ASIC2: variants seen among roughly 807,000 people sequenced by gnomAD.
ASIC2 encodes the protein acid sensing ion channel subunit 2, also known as acid-sensing ion channel 2.
ASIC2 carries 25 observed loss-of-function variants against 57.3 expected under a neutral mutation model. The ratio of observed to expected loss-of-function variants is 0.44; its 90% CI spans 0.32 to 0.61. The LOEUF (loss-of-function observed/expected upper bound fraction) is 0.61. Among genes scored for constraint, ASIC2 ranks in the 20% least tolerant of loss-of-function variants. The probability of loss-of-function intolerance (pLI) is 0.06; values close to 1 mark genes in which losing one functional copy is unlikely to be tolerated. For synonymous variants in ASIC2, 319 were observed against 307.5 expected, an observed-to-expected ratio of 1.04 and a Z score of -0.39; for missense variants, 641 against 738.1, an observed-to-expected ratio of 0.87 and a Z score of 1.52.
chr17:33,573,329 G>A (rs1406577208), intron 1 of ASIC2, among the ~76,000 whole-genome samples: 2 of 152,090 alleles, frequency 1.3e-5, no homozygotes, highest in Non-Finnish European at 2.9e-5. Flanking sequence ...AAATAATACA[G>A]AGAAAAATTA....
At chr17:34,132,873 G>C (rs1375076795) in intron 1 of ASIC2, among the ~76,000 whole-genome samples, 1 of 152,194 alleles carries the variant, frequency 6.6e-6, no homozygotes, top group Non-Finnish European at 1.5e-5. Context: ...CTGGAAGCCT[G>C]TGCTCAGCTG....
At chr17:34,039,658 C>A in intron 1 of ASIC2, 1 of 1,612,900 alleles carries the variant, frequency 6.2e-7, no homozygotes, top group Non-Finnish European at 8.5e-7. Context: ...CCCTTGGCTA[C>A]TTTCATATGG....
intron 1 of ASIC2, among the ~76,000 whole-genome samples, chr17:33,698,202 G>A (rs1317227816): frequency 6.6e-6 from 1 of 152,144 alleles, no homozygotes; most frequent in Non-Finnish European, 1.5e-5. Flanking sequence ...GTTTTCATTA[G>A]GAATGAATCC....
intron 1 of ASIC2, among the ~76,000 whole-genome samples, chr17:33,929,260 G>T (rs1203339325): frequency 6.6e-6 from 1 of 151,992 alleles, no homozygotes; most frequent in Non-Finnish European, 1.5e-5. Context: ...TGCCCTCCCA[G>T]CCACTGCCCC....
At chr17:33,413,721 C>A (rs16968315) in intron 1 of ASIC2, among the ~76,000 whole-genome samples, 1 of 152,188 alleles carries the variant, frequency 6.6e-6, no homozygotes, top group South Asian at 2.1e-4. Context: ...TTCATTAGAT[C>A]CCACTCACTC....
At chr17:34,102,931 T>TCCC (rs1298069810) in intron 1 of ASIC2, among the ~76,000 whole-genome samples, 1 of 152,232 alleles carries the variant, frequency 6.6e-6, no homozygotes, top group East Asian at 1.9e-4. Context: ...CTCTACATAC[T>TCCC]CCCCAACCAT....
intron 5 of ASIC2, 138 bp from the exon 6 acceptor site, chr17:33,024,152 T>C: frequency 8.7e-7 from 1 of 1,147,910 alleles, no homozygotes; most frequent in South Asian, 1.5e-5. Flanking sequence ...GCAGGGATTG[T>C]GGAGAGAGGG....
At chr17:34,004,886 G>A (rs991340880) in intron 1 of ASIC2, 9 of 144,662 alleles carry the variant, frequency 6.2e-5, no homozygotes, top group Non-Finnish European at 1.1e-4. Flanking sequence ...GTGGGTGGGG[G>A]TAGGGAGGTA....
At position 33,754,945 on chromosome 17, in the gene ASIC2, G is replaced by A. The variant is rs1490260648; in HGVS notation, c.555+401033C>T. On this transcript the variant is annotated intron_variant, in intron 1 of 9. Transcript: ENST00000359872. The stretch of plus-strand genomic sequence containing the variant: ...TGCACTCCAGCCTGGGCAACAGAGC[G>A]AGACTCCATCTCAAAAAAAAAAAAA... Among the ~76,000 whole-genome samples the A allele has an allele frequency of 1.2e-3, 137 of 111,074 alleles. 1 individual carries two copies. Among genetic ancestry groups the A allele is most frequent in the South Asian group, 3.2e-4 (1 of 3,152 alleles). The allele number at this position is 111,074 out of a possible 152,430, so 72.9% of individuals were successfully genotyped here. A position where few individuals can be genotyped will look rare whatever the true frequency, so the allele number is the denominator to read the frequency against.
intron 3 of ASIC2, among the ~76,000 whole-genome samples, chr17:33,072,117 A>G (rs2092071630): frequency 6.6e-6 from 1 of 152,044 alleles, no homozygotes; most frequent in Non-Finnish European, 1.5e-5. Flanking sequence ...TTCTGGACTC[A>G]TAGCTCTGTG....
chr17:33,587,228 C>T (rs1031634669), intron 1 of ASIC2, among the ~76,000 whole-genome samples: 4 of 152,202 alleles, frequency 2.6e-5, no homozygotes, highest in African/African-American at 9.7e-5. Flanking sequence ...TATTTACTAT[C>T]TGATCCTTTA....
At chr17:33,134,479 G>A (rs961018892) in intron 1 of ASIC2, among the ~76,000 whole-genome samples, 1 of 152,254 alleles carries the variant, frequency 6.6e-6, no homozygotes, top group Non-Finnish European at 1.5e-5. Flanking sequence ...AAACTGGGAT[G>A]TAGTCCCCTT....
At chr17:33,958,212 C>T (rs1019467401) in intron 1 of ASIC2, among the ~76,000 whole-genome samples, 14 of 152,290 alleles carry the variant, frequency 9.2e-5, no homozygotes, top group African/African-American at 3.4e-4. Context: ...TGTGGCTTTT[C>T]CAGGTGCACG....
At chr17:33,539,299 C>CT (rs1441641030) in intron 1 of ASIC2, among the ~76,000 whole-genome samples, 1 of 152,270 alleles carries the variant, frequency 6.6e-6, no homozygotes. Context: ...GAGAGCCCTT[C>CT]TGGACTTTCC....
intron 1 of ASIC2, among the ~76,000 whole-genome samples, chr17:33,889,969 A>G (rs1453290182): frequency 2.6e-5 from 4 of 152,166 alleles, no homozygotes; most frequent in Non-Finnish European, 5.9e-5. Flanking sequence ...TAGCATTTGT[A>G]TAGATCTAGG....
intron 1 of ASIC2, among the ~76,000 whole-genome samples, chr17:33,257,311 G>A (rs1431084089): frequency 6.6e-6 from 1 of 152,190 alleles, no homozygotes; most frequent in East Asian, 1.9e-4. Context: ...TGTCTCATGG[G>A]TGAGGCCCTG....
intron 1 of ASIC2, among the ~76,000 whole-genome samples, chr17:34,122,538 C>T (rs938346036): frequency 6.6e-6 from 1 of 152,252 alleles, no homozygotes; most frequent in African/African-American, 2.4e-5. Flanking sequence ...TCATCCGTCA[C>T]ACCCAGCTAC....
At chr17:33,282,291 C>T (rs974944156) in intron 1 of ASIC2, among the ~76,000 whole-genome samples, 6 of 152,248 alleles carry the variant, frequency 3.9e-5, no homozygotes, top group African/African-American at 1.2e-4. Flanking sequence ...AATCAAAGGC[C>T]GGCAAGGCTG....
chr17:33,382,322 G>A (rs7224966), intron 1 of ASIC2, among the ~76,000 whole-genome samples: 15,221 of 152,156 alleles, frequency 0.1, 864 homozygotes, highest in Middle Eastern at 0.13. Flanking sequence ...AAGAAGAATC[G>A]ATGATGCTGA....
Sources: gnomAD v4.1 joint callset for allele counts (sites outside exome capture counted in the v4.1 genomes callset) on GRCh38, gnomAD v4.1.1 for gene constraint, MANE v1.5 for transcripts, NCBI Gene and HGNC (gene_info 2026-07-23, HGNC 2026-07-21) for gene names.